The following ALK variants were observed in gnomAD, a reference collection of about 807,000 sequenced individuals.
ALK encodes the protein ALK receptor tyrosine kinase.
In ALK, 74 loss-of-function variants were observed where a neutral mutation model predicts 163.1. The ratio of observed to expected loss-of-function variants is 0.45; its 90% CI spans 0.38 to 0.55. The LOEUF (loss-of-function observed/expected upper bound fraction) is 0.55. Among genes scored for constraint, ALK ranks in the 20% least tolerant of loss-of-function variants. The probability of loss-of-function intolerance (pLI) is 0.00; values close to 1 mark genes in which losing one functional copy is unlikely to be tolerated. For synonymous variants in ALK, 960 were observed against 843.2 expected (o/e 1.14, Z -2.40); for missense variants, 2,063 against 2,105.3 (o/e 0.98, Z 0.39).
chr2:29,466,947 T>C (rs1377713698), intron 4 of ALK, among the ~76,000 whole-genome samples: 1 of 152,220 alleles, frequency 6.6e-6, no homozygotes, highest in Admixed American at 6.5e-5. Flanking sequence ...AGTGGACATC[T>C]GTAATTTTGT....
Position 29,612,018 on chromosome 2 carries a change from C to T in ALK, c.953-79902G>A, listed in dbSNP as rs142626122. ...TTCTCTACGGTATCAATGCCAGGAA[C>T]ACCTTATAGGAACAGATCCAGACAG... On this transcript the variant is annotated intron_variant, in intron 3 of 28. Coordinates refer to ENST00000389048, the MANE Select transcript of ALK (RefSeq NM_004304.5). 3.7e-4 allele frequency among the ~76,000 whole-genome samples: 56 copies of T among 152,272 alleles called. No homozygotes were observed. In the East Asian group the frequency reaches 0.01, roughly 28 times the overall value.
intron 3 of ALK, among the ~76,000 whole-genome samples, chr2:29,661,911 A>G: frequency 6.6e-6 from 1 of 151,406 alleles, no homozygotes; most frequent in East Asian, 1.9e-4. Context: ...GTTTTGTTTT[A>G]TTGTTGTTGT....
At position 29,227,321 on chromosome 2, in the gene ALK, TG is replaced by T. The variant is rs557883803; in HGVS notation, c.2915-248del. Among the ~76,000 whole-genome samples, 87 of 152,200 alleles carry T rather than the reference TG, an allele frequency of 5.7e-4. 1 individual carries two copies. Among genetic ancestry groups the T allele is most frequent in the Non-Finnish European group, 2.6e-4 (18 of 68,026 alleles). On this transcript the variant is annotated intron_variant, in intron 17 of 28. Coordinates refer to ENST00000389048, the MANE Select transcript of ALK (RefSeq NM_004304.5). This position sits in a 1 kb window ranked among gnomAD's most constrained non-coding sequence, Gnocchi z 4.4. The stretch of plus-strand genomic sequence containing the variant: ...AGTGGTGGAGAGAAGCCCACGCACA[TG>T]ATCTTTAGGTTGGCTGGTGCAGGTA...
At chr2:29,835,121 A>T (rs1019334351) in intron 1 of ALK, among the ~76,000 whole-genome samples, 1 of 152,338 alleles carries the variant, frequency 6.6e-6, no homozygotes, top group Admixed American at 6.5e-5. Flanking sequence ...TGTGCAGCAA[A>T]AGGCTGAGTA....
At chr2:29,540,129 G>A (rs1051288475) in intron 3 of ALK, among the ~76,000 whole-genome samples, 4 of 152,142 alleles carry the variant, frequency 2.6e-5, no homozygotes, top group Non-Finnish European at 5.9e-5. Context: ...AGACTGCTTT[G>A]AGGAATTTAG....
At chr2:29,564,295 T>C (rs1276912946) in intron 3 of ALK, among the ~76,000 whole-genome samples, 1 of 152,170 alleles carries the variant, frequency 6.6e-6, no homozygotes, top group East Asian at 1.9e-4. Flanking sequence ...TGACAGGTGC[T>C]TCTTCTTACC....
intron 3 of ALK, among the ~76,000 whole-genome samples, chr2:29,533,233 A>T (rs1048592800): frequency 4.6e-5 from 7 of 152,174 alleles, no homozygotes; most frequent in African/African-American, 1.7e-4. Flanking sequence ...GGCATATAAG[A>T]AAAGTGATCT....
intron 4 of ALK, among the ~76,000 whole-genome samples, chr2:29,393,496 AG>A (rs920310914): frequency 2.6e-5 from 4 of 152,278 alleles, no homozygotes; most frequent in African/African-American, 9.6e-5. Context: ...GAGGCCAAGG[AG>A]AATCTGAACC....
chr2:29,523,378 G>C (rs147145472), intron 4 of ALK, among the ~76,000 whole-genome samples: 123 of 152,252 alleles, frequency 8.1e-4, no homozygotes, highest in Middle Eastern at 3.4e-3. Context: ...AACTGTGTCT[G>C]TCGTCCAACT....
intron 3 of ALK, among the ~76,000 whole-genome samples, chr2:29,667,461 T>A (rs1300529841): frequency 3.9e-5 from 6 of 152,122 alleles, no homozygotes; most frequent in Non-Finnish European, 8.8e-5. Context: ...TTCTCACATA[T>A]GGCATTTGTT....
chr2:29,858,019 T>A (rs559182824), intron 1 of ALK, among the ~76,000 whole-genome samples: 4 of 151,240 alleles, frequency 2.6e-5, no homozygotes, highest in Non-Finnish European at 5.9e-5. Flanking sequence ...TTATTCAGAT[T>A]CCCCTAGTTT....
At chr2:29,692,768 C>G (rs939913842) in intron 3 of ALK, among the ~76,000 whole-genome samples, 3 of 152,168 alleles carry the variant, frequency 2.0e-5, no homozygotes, top group African/African-American at 7.2e-5. Flanking sequence ...AATTCTTGAA[C>G]ATGTGCACCA....
chr2:29,320,894 G>A lies in ALK; in HGVS notation c.1415-12C>T. ...CACAGGCAGTTTCCCTATGGAGAGA[G>A]CAGAGAGGCACCATCATTTTCAGGA... On this transcript the variant is annotated splice_polypyrimidine_tract_variant and intron_variant, in intron 6 of 28. Coordinates refer to ENST00000389048, the MANE Select transcript of ALK (RefSeq NM_004304.5). 1 of 1,614,162 alleles carries A rather than the reference G, an allele frequency of 6.2e-7. No individual in the cohort carries two copies. The highest frequency in any genetic ancestry group is 1.1e-5 in the South Asian group (1 of 91,080).
rs369142524 is a variant in ALK, at chr2:29,320,709, A to G, written c.1546+42T>C. 14 of 1,612,120 alleles carry G rather than the reference A, an allele frequency of 8.7e-6. No homozygotes were observed. In the African/African-American group the frequency reaches 1.9e-4, roughly 22 times the overall value. Reference sequence around the variant, plus strand: ...GAGTCTCCCATCTGTCTATGTGGGCATGAAGATGGGCACCAGAGAGAAGGC... The same window carrying G: ...GAGTCTCCCATCTGTCTATGTGGGCGTGAAGATGGGCACCAGAGAGAAGGC... On this transcript the variant is annotated intron_variant, in intron 7 of 28. Coordinates refer to ENST00000389048, the MANE Select transcript of ALK (RefSeq NM_004304.5).
chr2:29,632,948 G>A (rs1001332343), intron 3 of ALK, among the ~76,000 whole-genome samples: 12 of 152,114 alleles, frequency 7.9e-5, no homozygotes, highest in African/African-American at 2.2e-4. Context: ...CTCCCACTGC[G>A]CCCCTCCCAC....
intron 1 of ALK, among the ~76,000 whole-genome samples, chr2:29,846,648 T>G (rs544161833): frequency 6.6e-6 from 1 of 152,262 alleles, no homozygotes; most frequent in African/African-American, 2.4e-5. Context: ...CATTGAAAGA[T>G]TTTTCAAACT....
At chr2:29,375,046 T>G (rs1051829212) in intron 5 of ALK, among the ~76,000 whole-genome samples, 1 of 152,160 alleles carries the variant, frequency 6.6e-6, no homozygotes, top group Non-Finnish European at 1.5e-5. Flanking sequence ...CTCTTGGCAT[T>G]AGGTCAATAA....
chr2:29,872,444 T>G (rs1017497312), intron 1 of ALK, among the ~76,000 whole-genome samples: 1 of 152,204 alleles, frequency 6.6e-6, no homozygotes, highest in Non-Finnish European at 1.5e-5. Context: ...AAAAGTGCAT[T>G]TAATACAACA....
chr2:29,704,176 T>G (rs1414726838), intron 2 of ALK, among the ~76,000 whole-genome samples: 4 of 152,248 alleles, frequency 2.6e-5, no homozygotes, highest in Admixed American at 6.5e-5. Context: ...GATCTACACG[T>G]AAAGCTACAT....
Sources: allele counts gnomAD v4.1 joint callset (sites outside exome capture counted in the v4.1 genomes callset), GRCh38; gene constraint gnomAD v4.1.1; non-coding constraint Gnocchi (gnomAD v3.1); transcripts MANE v1.5; gene names NCBI Gene and HGNC (gene_info 2026-07-23, HGNC 2026-07-21).